Variants in B3GNT3 observed in about 807,000 individuals in gnomAD.
B3GNT3 encodes the protein UDP-GlcNAc:betaGal beta-1,3-N-acetylglucosaminyltransferase 3, also known as N-acetyllactosaminide beta-1,3-N-acetylglucosaminyltransferase 3.
A neutral mutation model predicts 11.6 loss-of-function variants in B3GNT3; 7 were observed. The ratio of observed to expected loss-of-function variants is 0.60; its 90% CI spans 0.34 to 1.13. B3GNT3 has a LOEUF of 1.13. Ranked by LOEUF, B3GNT3 falls within the 50% of genes most tolerant of loss-of-function variation. B3GNT3 has a pLI of 0.03. For missense variants in B3GNT3, 400 were observed against 507.4 expected, an observed-to-expected ratio of 0.79 and a Z score of 2.03; for synonymous variants, 201 against 222.1, an observed-to-expected ratio of 0.90 and a Z score of 0.85.
chr19:17,810,206 A>T (rs10402066), intron 2 of B3GNT3, among the ~76,000 whole-genome samples: 1 of 151,848 alleles, frequency 6.6e-6, no homozygotes, highest in Non-Finnish European at 1.5e-5. Context: ...AAAACACAAA[A>T]GTGGCTAGGC....
chr19:17,802,567 C>T (rs998277102), intron 1 of B3GNT3, among the ~76,000 whole-genome samples: 6 of 151,918 alleles, frequency 3.9e-5, no homozygotes, highest in Admixed American at 2.6e-4. Context: ...CGAAGCCTCT[C>T]GGAGGTGACA....
intron 1 of B3GNT3, among the ~76,000 whole-genome samples, chr19:17,800,714 C>G (rs1028998915): frequency 6.6e-6 from 1 of 152,044 alleles, no homozygotes. Context: ...TGCCTGTAAT[C>G]CCAGCACTTT....
chr19:17,796,262 A>AT (rs962013437), intron 1 of B3GNT3, among the ~76,000 whole-genome samples: 15 of 151,862 alleles, frequency 9.9e-5, no homozygotes, highest in Non-Finnish European at 1.9e-4. Flanking sequence ...TAATTTTAAA[A>AT]TTTTTTTGTG....
intron 2 of B3GNT3, among the ~76,000 whole-genome samples, chr19:17,810,493 C>A (rs955188876): frequency 6.6e-6 from 1 of 152,118 alleles, no homozygotes; most frequent in Admixed American, 6.6e-5. Flanking sequence ...GAAGCACTGG[C>A]ACTATGCTGG....
At chr19:17,810,576 G>A (rs771137768) in intron 2 of B3GNT3, among the ~76,000 whole-genome samples, 5 of 151,896 alleles carry the variant, frequency 3.3e-5, no homozygotes, top group Non-Finnish European at 4.4e-5. Context: ...TTTGGTGGGA[G>A]AGGGGGATGT....
chr19:17,811,576 G>A lies in B3GNT3; in HGVS notation c.573G>A (p.Leu191=). The A allele has an allele frequency of 1.9e-6, 3 of 1,610,616 alleles. No homozygotes were observed. The highest frequency in any genetic ancestry group is 2.5e-6 in the Non-Finnish European group (3 of 1,177,666). The change falls in exon 3 of 3, where the codon CTG becomes CTA. Residue 191 remains leucine, a synonymous_variant. Transcript: ENST00000318683. The surrounding 1 kb of genome is among the most constrained non-coding windows in gnomAD (Gnocchi z 4.1). ...SFFNLTLKQV[L]FLQWQETRCA... ...CCTGTCCACCCTGCCTGCAGGTCCT[G>A]TTCTTACAGTGGCAGGAGACAAGGT...
At chr19:17,807,694 G>T (rs1447677241) in intron 1 of B3GNT3, 64 bp from the exon 2 acceptor site, 2 of 1,046,850 alleles carry the variant, frequency 1.9e-6, no homozygotes, top group Admixed American at 2.8e-5. Flanking sequence ...GCAACCAGAT[G>T]TTGGGGGCCA....
chr19:17,807,389 G>A (rs2094174444), intron 1 of B3GNT3, among the ~76,000 whole-genome samples: 2 of 151,072 alleles, frequency 1.3e-5, no homozygotes, highest in Non-Finnish European at 3.0e-5. Context: ...CTACTCAGGA[G>A]GCTGAGGCAG....
intron 1 of B3GNT3, 117 bp from the exon 2 acceptor site, chr19:17,807,641 G>A: frequency 1.5e-6 from 1 of 645,504 alleles, no homozygotes; most frequent in Admixed American, 3.0e-5. Context: ...GTTAAGTGGG[G>A]GGTGAATTTC....
chr19:17,798,893 C>T (rs1305314505), intron 1 of B3GNT3, among the ~76,000 whole-genome samples: 2 of 152,044 alleles, frequency 1.3e-5, no homozygotes, highest in Admixed American at 6.6e-5. Flanking sequence ...TCAGTTGAGC[C>T]CTGGAGTTGG....
Position 17,812,160 on chromosome 19 carries a change from C to T in B3GNT3, c.*38C>T. 1 of 1,543,664 alleles carries T rather than the reference C, an allele frequency of 6.5e-7. No homozygotes were observed. Among genetic ancestry groups the T allele is most frequent in the Non-Finnish European group, 8.7e-7 (1 of 1,154,456 alleles). ...GTCCCCAGCCTCTGGGCTCCTGTTT[C>T]CATAGGAAGGGGCGACACCTTCCTC... On this transcript the variant is annotated 3_prime_UTR_variant, in exon 3 of 3. Coordinates refer to ENST00000318683, the MANE Select transcript of B3GNT3 (RefSeq NM_014256.4).
intron 1 of B3GNT3, among the ~76,000 whole-genome samples, chr19:17,800,870 G>A (rs1187311577): frequency 1.3e-5 from 2 of 152,016 alleles, no homozygotes; most frequent in Non-Finnish European, 2.9e-5. Context: ...AGGAGGCTGA[G>A]GCAGGAGAAT....
chr19:17,809,419 A>T (rs1481412890), intron 2 of B3GNT3, among the ~76,000 whole-genome samples: 3 of 151,738 alleles, frequency 2.0e-5, no homozygotes, highest in Non-Finnish European at 4.4e-5. Context: ...TTCAAAAAAA[A>T]TTTAATTAAT....
chr19:17,811,377 A>G lies in B3GNT3; in HGVS notation c.568-194A>G, dbSNP rs1292543015. On this transcript the variant is annotated intron_variant, in intron 2 of 2. Coordinates refer to ENST00000318683, the MANE Select transcript of B3GNT3 (RefSeq NM_014256.4). The surrounding 1 kb of genome is among the most constrained non-coding windows in gnomAD (Gnocchi z 4.1). Reference sequence around the variant, plus strand: ...TCCCCAACACTCCTAGAGGCACATGATAAGGCCTGTTTGGAGAGTTGAAAC... The same window carrying G: ...TCCCCAACACTCCTAGAGGCACATGGTAAGGCCTGTTTGGAGAGTTGAAAC... 1.3e-5 allele frequency among the ~76,000 whole-genome samples: 2 copies of G among 152,198 alleles called. No individual in the cohort carries two copies. The highest frequency in any genetic ancestry group is 2.9e-5 in the Non-Finnish European group (2 of 68,042).
chr19:17,812,660 G>C lies in B3GNT3; in HGVS notation c.*538G>C, dbSNP rs1322158330. On this transcript the variant is annotated 3_prime_UTR_variant, in exon 3 of 3. Coordinates refer to ENST00000318683, the MANE Select transcript of B3GNT3 (RefSeq NM_014256.4). ...CAGAAGGTTGGGGGGATACCAGAGAGGTGGTGGAATAGGACCGCCCCCTCC... is the reference window on the plus strand; with the variant it reads ...CAGAAGGTTGGGGGGATACCAGAGACGTGGTGGAATAGGACCGCCCCCTCC... 6.5e-6 allele frequency: 1 copy of C among 154,218 alleles called. No homozygotes were observed. Among genetic ancestry groups the C allele is most frequent in the Non-Finnish European group, 1.4e-5 (1 of 69,516 alleles). The allele number at this position is 154,218 out of a possible 1,614,324, so 9.6% of individuals were successfully genotyped here.
Position 17,808,893 on chromosome 19 carries a change from G to C in B3GNT3, c.567+519G>C, listed in dbSNP as rs79512244. Among the ~76,000 whole-genome samples the C allele has an allele frequency of 5.7e-3, 865 of 152,124 alleles. 7 individuals carry two copies. Among genetic ancestry groups the C allele is most frequent in the African/African-American group, 0.02 (835 of 41,476 alleles). On this transcript the variant is annotated intron_variant, in intron 2 of 2. Coordinates refer to ENST00000318683, the MANE Select transcript of B3GNT3 (RefSeq NM_014256.4). ...CTTGCTCTGTTGCCCAGCCTGGAGT[G>C]CAGTGGTGCGATCTGGGCTTGCTGC...
chr19:17,806,733 C>T (rs917004305), intron 1 of B3GNT3, among the ~76,000 whole-genome samples: 2 of 152,044 alleles, frequency 1.3e-5, no homozygotes, highest in Non-Finnish European at 2.9e-5. Flanking sequence ...GTGGGCAGAT[C>T]ATGAGGTCAG....
At position 17,805,966 on chromosome 19, in the gene B3GNT3, T is replaced by TTTTTG. The variant is rs534759638; in HGVS notation, c.-50-1776_-50-1772dup. 2.3e-3 allele frequency among the ~76,000 whole-genome samples: 341 copies of TTTTTG among 151,078 alleles called. 5 individuals carry two copies. Among genetic ancestry groups the TTTTTG allele is most frequent in the African/African-American group, 6.7e-3 (276 of 41,062 alleles). On this transcript the variant is annotated intron_variant, in intron 1 of 2. Transcript: ENST00000318683. ...GCACATGCTACCACAGCCTGCTAAT[T>TTTTTG]TTTTGTTTTGTTTTGTTTTGAGACA...
At position 17,796,686 on chromosome 19, in the gene B3GNT3, C is replaced by G. The variant is rs532369750; in HGVS notation, c.-51+1480C>G. Among the ~76,000 whole-genome samples, 14 of 152,314 alleles carry G rather than the reference C, an allele frequency of 9.2e-5. No homozygotes were observed. In the East Asian group the frequency reaches 9.6e-4, roughly 10 times the overall value. The stretch of plus-strand genomic sequence containing the variant: ...TTGCTCAGTCCAGCCTGGACACCCT[C>G]CCTCACTCTCACCCCTAGGGTGTGG... On this transcript the variant is annotated intron_variant, in intron 1 of 2. Coordinates refer to ENST00000318683, the MANE Select transcript of B3GNT3 (RefSeq NM_014256.4).
Sources: allele counts gnomAD v4.1 joint callset (sites outside exome capture counted in the v4.1 genomes callset), GRCh38; gene constraint gnomAD v4.1.1; non-coding constraint Gnocchi (gnomAD v3.1); transcripts MANE v1.5; gene names NCBI Gene and HGNC (gene_info 2026-07-23, HGNC 2026-07-21).